CARD19: variants seen among roughly 807,000 people sequenced by gnomAD.
CARD19 encodes the protein caspase recruitment domain-containing protein 19.
A neutral mutation model predicts 24.1 loss-of-function variants in CARD19; 25 were observed. The observed-to-expected ratio is 1.04, with a 90% CI of 0.76 to 1.45. CARD19 has a LOEUF of 1.45. Among genes scored for constraint, CARD19 ranks in the 40% most tolerant of loss-of-function variants. CARD19 has a pLI of 0.00. For missense variants in CARD19, 241 were observed against 247.4 expected (o/e 0.97, Z 0.17); for synonymous variants, 103 against 104.9 (o/e 0.98, Z 0.11).
chr9:93,100,702 G>T (rs900885968), intron 1 of CARD19, among the ~76,000 whole-genome samples: 7 of 152,066 alleles, frequency 4.6e-5, no homozygotes, highest in African/African-American at 1.7e-4. Flanking sequence ...TTTTGTACCC[G>T]TTAAACAATA....
At chr9:93,102,089 G>C (rs998379103) in intron 1 of CARD19, among the ~76,000 whole-genome samples, 2 of 151,798 alleles carry the variant, frequency 1.3e-5, no homozygotes, top group African/African-American at 4.8e-5. Context: ...AGCCTCCCAA[G>C]TAGTTGGGAT....
chr9:93,113,230 A>G lies in CARD19; in HGVS notation c.*123A>G. The G allele has an allele frequency of 1.6e-6, 1 of 629,760 alleles. No homozygotes were observed. 39.0% of individuals were successfully genotyped at this position (629,760 alleles called of 1,614,324 possible). On this transcript the variant is annotated 3_prime_UTR_variant, in exon 6 of 6. Transcript: ENST00000375464. The stretch of plus-strand genomic sequence containing the variant: ...TTCATTATTTATAATTTGTGTAAAA[A>G]ACACACCTTCACCTTACAAGGTGCT...
In CARD19 at chr9:93,096,451, C is replaced by T; in HGVS notation, c.7+99C>T. ...CCTTGCGAGTCGCCTGCAGGCCGCG[C>T]CTGGGCAGCGGGGGCCGAGTGACCT... is the stretch of plus-strand genomic sequence containing the variant. On this transcript the variant is annotated intron_variant, in intron 1 of 5. Coordinates refer to ENST00000375464, the MANE Select transcript of CARD19 (RefSeq NM_032310.5). This position sits in a 1 kb window ranked among gnomAD's most constrained non-coding sequence, Gnocchi z 5.4. 8.9e-7 allele frequency: 1 copy of T among 1,118,316 alleles called. No individual in the cohort carries two copies. Among genetic ancestry groups the T allele is most frequent in the Non-Finnish European group, 1.1e-6 (1 of 887,328 alleles). 69.3% of individuals were successfully genotyped at this position (1,118,316 alleles called of 1,614,324 possible).
chr9:93,110,712 C>G lies in CARD19; in HGVS notation c.295C>G (p.His99Asp), dbSNP rs772996141. Residue 99 changes from histidine to aspartate, a missense_variant, in exon 3 of 6, where the codon CAC (histidine) becomes GAC (aspartate). Transcript: ENST00000375464. ...QPLHSRLPSR[H>D]ALQNSDCTEL... Reference sequence around the variant, plus strand: ...CCTGCACAGCCGCCTGCCCAGCCGCCACGCTCTGCGTAAGTTCCACATCAC... The same window carrying G: ...CCTGCACAGCCGCCTGCCCAGCCGCGACGCTCTGCGTAAGTTCCACATCAC... 1 of 1,611,334 alleles carries G rather than the reference C, an allele frequency of 6.2e-7. No homozygotes were observed. Among genetic ancestry groups the G allele is most frequent in the East Asian group, 2.2e-5 (1 of 44,876 alleles).
intron 1 of CARD19, among the ~76,000 whole-genome samples, chr9:93,107,085 A>G (rs1482712128): frequency 6.6e-6 from 1 of 152,076 alleles, no homozygotes; most frequent in Non-Finnish European, 1.5e-5. Flanking sequence ...AAGGCCTTGC[A>G]GACACACTGT....
chr9:93,111,150 T>C (rs1827470019), intron 3 of CARD19: 1 of 1,215,586 alleles, frequency 8.2e-7, no homozygotes, highest in African/African-American at 1.6e-5. Flanking sequence ...ACCCTTTCAT[T>C]GCAGCGATCT....
rs529403385 is a variant in CARD19 at position 93,111,398 on chromosome 9, G to A, written c.305-481G>A. 14 of 1,090,226 alleles carry A rather than the reference G, an allele frequency of 1.3e-5. No homozygotes were observed. In the East Asian group the frequency reaches 1.0e-3, roughly 78 times the overall value. 67.5% of individuals were successfully genotyped at this position (1,090,226 alleles called of 1,614,324 possible). ...CAGGGCCCCTGGAGGAGGGGCTACT[G>A]CCCCTTGGCCCTTAGACAACAGGAC... On this transcript the variant is annotated intron_variant, in intron 3 of 5. Transcript: ENST00000375464.
At chr9:93,112,085 T>A in intron 4 of CARD19, 133 bp from the exon 5 acceptor site, 1 of 1,300,668 alleles carries the variant, frequency 7.7e-7, no homozygotes, top group Non-Finnish European at 1.1e-6. Context: ...ACCCCCCCCC[T>A]AAGGTGCTCG....
chr9:93,111,589 G>A (rs929745605), intron 3 of CARD19: 33 of 1,270,886 alleles, frequency 2.6e-5, no homozygotes, highest in South Asian at 6.7e-5. Flanking sequence ...CCCCAGCCAC[G>A]AGTATGCCAC....
chr9:93,101,602 G>T (rs950045852), intron 1 of CARD19, among the ~76,000 whole-genome samples: 6 of 151,812 alleles, frequency 4.0e-5, no homozygotes, highest in African/African-American at 1.5e-4. Context: ...ATCACACCCA[G>T]CTAATTTTTG....
At chr9:93,110,345 C>T in intron 2 of CARD19, 1 of 682,018 alleles carries the variant, frequency 1.5e-6, no homozygotes, top group Middle Eastern at 4.1e-4. Context: ...CAACCTCCCA[C>T]CCCACAGGGA....
chr9:93,101,308 A>G (rs1218803187), intron 1 of CARD19, among the ~76,000 whole-genome samples: 1 of 152,044 alleles, frequency 6.6e-6, no homozygotes, highest in African/African-American at 2.4e-5. Context: ...TGAGCTTCTG[A>G]CCCCAAGCGA....
Position 93,096,846 on chromosome 9 carries a change from C to T in CARD19, c.7+494C>T, listed in dbSNP as rs773605324. Among the ~76,000 whole-genome samples the T allele has an allele frequency of 9.2e-5, 14 of 151,630 alleles. No individual in the cohort carries two copies. Among genetic ancestry groups the T allele is most frequent in the Non-Finnish European group, 1.8e-4 (12 of 67,866 alleles). On this transcript the variant is annotated intron_variant, in intron 1 of 5. Coordinates refer to ENST00000375464, the MANE Select transcript of CARD19 (RefSeq NM_032310.5). This position sits in a 1 kb window ranked among gnomAD's most constrained non-coding sequence, Gnocchi z 5.4. ...GTCGCGGGACAGGCGATGCGTTCCTCGGCGGCATGTGATTCCTGTGGGACT... is the reference window on the plus strand; with the variant it reads ...GTCGCGGGACAGGCGATGCGTTCCTTGGCGGCATGTGATTCCTGTGGGACT...
intron 1 of CARD19, among the ~76,000 whole-genome samples, chr9:93,106,627 A>G (rs1169705800): frequency 6.6e-6 from 1 of 150,930 alleles, no homozygotes; most frequent in Non-Finnish European, 1.5e-5. Flanking sequence ...GTAATTGCTG[A>G]TAAGGAATGT....
chr9:93,106,512 G>GAGCCGAGATTGGGCCACTGCAC (rs1827262618), intron 1 of CARD19, among the ~76,000 whole-genome samples: 1 of 149,986 alleles, frequency 6.7e-6, no homozygotes, highest in African/African-American at 2.5e-5. Flanking sequence ...AGGTTGCAGT[G>GAGCCGAGATTGGGCCACTGCAC]AGCCGAGATT....
chr9:93,107,599 C>G (rs1827310024), intron 1 of CARD19, 75 bp from the exon 2 acceptor site: 1 of 1,551,530 alleles, frequency 6.4e-7, no homozygotes, highest in Non-Finnish European at 8.8e-7. Context: ...TTCCTGTGGT[C>G]AGTGTCAGTA....
At chr9:93,098,028 C>T (rs909433778) in intron 1 of CARD19, among the ~76,000 whole-genome samples, 4 of 152,370 alleles carry the variant, frequency 2.6e-5, no homozygotes, top group African/African-American at 9.6e-5. Flanking sequence ...TCCTGCCTTG[C>T]GCCAGCCCTC....
intron 1 of CARD19, 101 bp from the exon 2 acceptor site, chr9:93,107,573 C>T (rs879155543): frequency 7.1e-7 from 1 of 1,417,192 alleles, no homozygotes; most frequent in African/African-American, 1.4e-5. Context: ...TGGGAACCCA[C>T]CTTGGGGGTG....
At chr9:93,099,855 G>A (rs1043787487) in intron 1 of CARD19, among the ~76,000 whole-genome samples, 6 of 152,262 alleles carry the variant, frequency 3.9e-5, no homozygotes, top group African/African-American at 1.4e-4. Context: ...AGTGGCTTCA[G>A]CCAGATGATG....
Sources: gnomAD v4.1 joint callset for allele counts (sites outside exome capture counted in the v4.1 genomes callset) on GRCh38, gnomAD v4.1.1 for gene constraint, Gnocchi (gnomAD v3.1) non-coding constraint, MANE v1.5 for transcripts, NCBI Gene and HGNC (gene_info 2026-07-23, HGNC 2026-07-21) for gene names.